The following ACACB variants were observed in gnomAD, a reference collection of about 807,000 sequenced individuals.
The protein encoded by ACACB is acetyl-CoA carboxylase beta, also known as acetyl-CoA carboxylase 2.
ACACB carries 209 observed loss-of-function variants against 278.8 expected under a neutral mutation model. That is an observed-to-expected ratio of 0.75 (90% CI 0.67 to 0.84). The LOEUF is 0.84. ACACB is among the 40% of genes least tolerant of loss of function. The pLI is 0.00. For synonymous variants in ACACB, 1,174 were observed against 1,285.6 expected, an observed-to-expected ratio of 0.91 and a Z score of 1.86; for missense variants, 2,850 against 3,269.0, an observed-to-expected ratio of 0.87 and a Z score of 3.13.
intron 9 of ACACB, among the ~76,000 whole-genome samples, chr12:109,176,757 C>T (rs2337853): frequency 0.18 from 27,256 of 152,052 alleles, 2,794 homozygotes; most frequent in East Asian, 0.43. Flanking sequence ...GCTGGGATTA[C>T]AGGCGTGTGC....
chr12:109,238,266 A>G (rs190482988), intron 34 of ACACB, among the ~76,000 whole-genome samples: 6 of 149,712 alleles, frequency 4.0e-5, no homozygotes, highest in African/African-American at 7.3e-5. Context: ...TTGGTCAGTC[A>G]CTTGTGGACC....
At position 109,262,352 on chromosome 12, in the gene ACACB, T is replaced by C. The variant is rs1255088603; in HGVS notation, c.6675-5T>C. On this transcript the variant is annotated splice_polypyrimidine_tract_variant and splice_region_variant and intron_variant, in intron 48 of 52. Coordinates refer to ENST00000338432, the MANE Select transcript of ACACB (RefSeq NM_001093.4). ...TACCCCCATCCCTGCCTCTTCTCTT[T>C]TAAGGGGTGGTGTTCTGGAACCAGA... The C allele has an allele frequency of 1.9e-6, 3 of 1,610,512 alleles. No individual in the cohort carries two copies. The highest frequency in any genetic ancestry group is 1.7e-5 in the Admixed American group (1 of 59,954).
chr12:109,169,440 G>A (rs2044033503), intron 4 of ACACB, among the ~76,000 whole-genome samples: 1 of 152,184 alleles, frequency 6.6e-6, no homozygotes, highest in African/African-American at 2.4e-5. Flanking sequence ...TGGGTTCAGA[G>A]CATCATCCAG....
chr12:109,184,561 T>C (rs1169413399), intron 11 of ACACB, among the ~76,000 whole-genome samples: 1 of 152,180 alleles, frequency 6.6e-6, no homozygotes, highest in Non-Finnish European at 1.5e-5. Context: ...TCCAATAATG[T>C]CTTTTTGTAG....
At chr12:109,141,853 G>T (rs931615203) in intron 2 of ACACB, among the ~76,000 whole-genome samples, 1 of 152,164 alleles carries the variant, frequency 6.6e-6, no homozygotes, top group Non-Finnish European at 1.5e-5. Flanking sequence ...AGCTGGAGTG[G>T]GGTTCAGTCT....
intron 1 of ACACB, among the ~76,000 whole-genome samples, chr12:109,138,321 T>A (rs2043018476): frequency 6.6e-6 from 1 of 152,188 alleles, no homozygotes; most frequent in Non-Finnish European, 1.5e-5. Context: ...ATTCTTTCAA[T>A]ACACACTTGT....
At chr12:109,191,989 G>T (rs1436959372) in intron 15 of ACACB, 39 bp downstream of exon 15, 34 of 1,602,008 alleles carry the variant, frequency 2.1e-5, no homozygotes, top group Non-Finnish European at 2.8e-5. Flanking sequence ...TTTGTGATAT[G>T]TGTTAGCGGC....
chr12:109,240,028 C>A (rs1463056454), intron 35 of ACACB, 43 bp downstream of exon 35: 5 of 1,593,088 alleles, frequency 3.1e-6, no homozygotes, highest in Middle Eastern at 1.7e-4. Flanking sequence ...TCTGGGTTCA[C>A]CCTCTGAGCC....
chr12:109,249,679 A>G lies in ACACB; in HGVS notation c.5670-305A>G, dbSNP rs372465963. On this transcript the variant is annotated intron_variant, in intron 40 of 52. Transcript: ENST00000338432. Reference sequence around the variant, plus strand: ...GCTAACTTTTGTATTTTTAGTAGAGATGGGGTTTCGCCATATTGGCCAGGC... The same window carrying G: ...GCTAACTTTTGTATTTTTAGTAGAGGTGGGGTTTCGCCATATTGGCCAGGC... 3.1e-3 allele frequency: 571 copies of G among 186,892 alleles called. 8 individuals carry two copies. The highest frequency in any genetic ancestry group is 0.023 in the South Asian group (180 of 7,748). The allele number at this position is 186,892 out of a possible 1,614,324, so 11.6% of individuals were successfully genotyped here.
At chr12:109,245,454 G>C (rs2046913383) in intron 37 of ACACB, among the ~76,000 whole-genome samples, 172 bp from the exon 38 acceptor site, 1 of 152,154 alleles carries the variant, frequency 6.6e-6, no homozygotes, top group Non-Finnish European at 1.5e-5. Context: ...ATTTGACAGA[G>C]CCACTGGATG....
chr12:109,167,137 T>A, intron 3 of ACACB, 144 bp downstream of exon 3: 1 of 994,286 alleles, frequency 1.0e-6, no homozygotes, highest in Non-Finnish European at 1.5e-6. Flanking sequence ...TGAGTTTTAA[T>A]AGTTTAACCC....
At chr12:109,187,399 C>A (rs2044699291) in intron 12 of ACACB, among the ~76,000 whole-genome samples, 1 of 152,032 alleles carries the variant, frequency 6.6e-6, no homozygotes, top group South Asian at 2.1e-4. Context: ...CCATTTAACA[C>A]CTGCACTACC....
intron 6 of ACACB, among the ~76,000 whole-genome samples, chr12:109,173,387 T>C (rs1330942942): frequency 6.6e-6 from 1 of 152,228 alleles, no homozygotes; most frequent in East Asian, 1.9e-4. Flanking sequence ...CTGAAAACAG[T>C]CTTGCCCAAA....
At chr12:109,171,143 C>T (rs992159258) in intron 4 of ACACB, among the ~76,000 whole-genome samples, 14 of 151,294 alleles carry the variant, frequency 9.3e-5, no homozygotes, top group Admixed American at 6.6e-4. Context: ...CGTGCACCAC[C>T]GTGCCCAGCC....
At chr12:109,116,784 G>C (rs2042412112) in intron 1 of ACACB, 80 bp downstream of exon 1, 1 of 152,194 alleles carries the variant, frequency 6.6e-6, no homozygotes, top group Admixed American at 6.5e-5. Context: ...TATAGTGAGA[G>C]CAGACCCTGT....
Position 109,222,900 on chromosome 12 carries a change from C to T in ACACB, c.3780C>T (p.Pro1260=), listed in dbSNP as rs983927040. ...ACATGTACGGCCACCAGTTCTGCCC[C>T]GAGAACCTCAAGGTGAGCCCGTCTC... is the stretch of plus-strand genomic sequence containing the variant. ...AIDMYGHQFC[P]ENLKKLILSE... The change falls in exon 26 of 53, where the codon CCC becomes CCT. Residue 1260 remains proline (P), a synonymous_variant. Transcript: ENST00000338432. The T allele has an allele frequency of 3.9e-5, 62 of 1,609,756 alleles. No individual in the cohort carries two copies. The highest frequency in any genetic ancestry group is 1.6e-4 in the Middle Eastern group (1 of 6,082).
At chr12:109,177,581 G>A (rs2044319901) in intron 9 of ACACB, among the ~76,000 whole-genome samples, 1 of 152,134 alleles carries the variant, frequency 6.6e-6, no homozygotes, top group Non-Finnish European at 1.5e-5. Context: ...TTTGGGTGGG[G>A]GGAAGAATTG....
chr12:109,162,836 C>T (rs2043775223), intron 2 of ACACB, among the ~76,000 whole-genome samples: 1 of 152,194 alleles, frequency 6.6e-6, no homozygotes, highest in Non-Finnish European at 1.5e-5. Context: ...CAGGGTCAAC[C>T]AGGTCCACCA....
At chr12:109,253,731 C>T (rs2047155191) in intron 43 of ACACB, among the ~76,000 whole-genome samples, 1 of 152,142 alleles carries the variant, frequency 6.6e-6, no homozygotes, top group Non-Finnish European at 1.5e-5. Context: ...TGTCATTCTT[C>T]ATTATAACCA....
Sources: gnomAD v4.1 joint callset for allele counts (sites outside exome capture counted in the v4.1 genomes callset) on GRCh38, gnomAD v4.1.1 for gene constraint, MANE v1.5 for transcripts, NCBI Gene and HGNC (gene_info 2026-07-23, HGNC 2026-07-21) for gene names.